The following DTNA variants were observed in gnomAD, a reference collection of about 807,000 sequenced individuals.
DTNA encodes the protein dystrophin-related protein 3.
DTNA carries 43 observed loss-of-function variants against 100.7 expected under a neutral mutation model. That is an observed-to-expected ratio of 0.43 (90% CI 0.33 to 0.55). DTNA has a LOEUF of 0.55. DTNA is among the 20% of genes least tolerant of loss of function. DTNA has a pLI of 0.04. For synonymous variants in DTNA, 349 were observed against 347.9 expected (o/e 1.00, Z -0.04); for missense variants, 798 against 953.9 (o/e 0.84, Z 2.15).
intron 1 of DTNA, among the ~76,000 whole-genome samples, chr18:34,614,153 A>G (rs1025363505): frequency 1.3e-5 from 2 of 152,338 alleles, no homozygotes; most frequent in African/African-American, 4.8e-5. Context: ...ATGATAATGC[A>G]TCTGTTTATA....
At chr18:34,528,470 A>T (rs141003614) in intron 1 of DTNA, among the ~76,000 whole-genome samples, 1 of 152,254 alleles carries the variant, frequency 6.6e-6, no homozygotes, top group Non-Finnish European at 1.5e-5. Flanking sequence ...TTTCACCTTC[A>T]GCAATGCATA....
intron 1 of DTNA, among the ~76,000 whole-genome samples, chr18:34,736,308 C>A (rs1351174693): frequency 1.3e-5 from 2 of 152,146 alleles, no homozygotes; most frequent in African/African-American, 2.4e-5. Context: ...TTAGAGATTT[C>A]ATTTCTAAAA....
intron 5 of DTNA, among the ~76,000 whole-genome samples, chr18:34,811,211 T>C (rs772029927): frequency 2.0e-5 from 3 of 152,188 alleles, no homozygotes; most frequent in Non-Finnish European, 4.4e-5. Flanking sequence ...TTAATATTCA[T>C]TAAATGCACA....
intron 17 of DTNA, among the ~76,000 whole-genome samples, chr18:34,869,364 T>C (rs2096740891): frequency 2.0e-5 from 3 of 152,200 alleles, no homozygotes; most frequent in African/African-American, 7.2e-5. Flanking sequence ...ATTAACAGTG[T>C]CTCCATCAGG....
At chr18:34,711,933 T>C (rs16965788) in intron 1 of DTNA, among the ~76,000 whole-genome samples, 5,337 of 152,222 alleles carry the variant, frequency 0.035, 291 homozygotes, top group African/African-American at 0.12. Flanking sequence ...TTTTTCCCTT[T>C]GTTGTTTGAG....
chr18:34,716,179 G>A (rs942158698), intron 1 of DTNA, among the ~76,000 whole-genome samples: 4 of 152,082 alleles, frequency 2.6e-5, no homozygotes, highest in African/African-American at 7.2e-5. Flanking sequence ...ATAGTTTTTC[G>A]TTGTTTCAGA....
At chr18:34,743,884 C>T (rs1185709865) in intron 1 of DTNA, among the ~76,000 whole-genome samples, 1 of 152,198 alleles carries the variant, frequency 6.6e-6, no homozygotes, top group East Asian at 1.9e-4. Context: ...GGCATCCTCC[C>T]ACCCACCCAT....
At chr18:34,867,315 C>A (rs1002979500) in intron 17 of DTNA, 9 of 1,230,512 alleles carry the variant, frequency 7.3e-6, no homozygotes, top group Non-Finnish European at 9.1e-6. Context: ...TAATGTCAGA[C>A]AATAAAGATA....
intron 16 of DTNA, among the ~76,000 whole-genome samples, chr18:34,858,966 G>T (rs1049478378): frequency 2.0e-5 from 3 of 152,146 alleles, no homozygotes; most frequent in Non-Finnish European, 4.4e-5. Flanking sequence ...TTTAAACATA[G>T]CTCTTTTTAG....
At chr18:34,626,277 A>G (rs752353592) in intron 1 of DTNA, among the ~76,000 whole-genome samples, 3 of 152,214 alleles carry the variant, frequency 2.0e-5, no homozygotes, top group Non-Finnish European at 4.4e-5. Flanking sequence ...GAAATCATTT[A>G]GTTGGCCTGC....
rs115074896 is a variant in DTNA, at chr18:34,544,954, A to T, written c.-2+51440A>T. 7.2e-3 allele frequency among the ~76,000 whole-genome samples: 1,093 copies of T among 152,192 alleles called. 15 individuals are homozygous for T. Among genetic ancestry groups the T allele is most frequent in the African/African-American group, 0.025 (1,054 of 41,542 alleles). On this transcript the variant is annotated intron_variant, in intron 1 of 19. Transcript: ENST00000283365. ...TTTGCAGTTGTGGCCTCAAGAAAAG[A>T]TGATGTTGTTTAATACTGTGATTCC...
intron 1 of DTNA, among the ~76,000 whole-genome samples, chr18:34,633,597 C>T: frequency 6.6e-6 from 1 of 152,116 alleles, no homozygotes; most frequent in East Asian, 1.9e-4. Context: ...ACTGAATACA[C>T]ACAGTACTAA....
chr18:34,799,265 AAC>A (rs1228084544), intron 4 of DTNA, among the ~76,000 whole-genome samples: 1 of 152,202 alleles, frequency 6.6e-6, no homozygotes, highest in African/African-American at 2.4e-5. Context: ...GGGCCATTTG[AAC>A]ACCCATGCCC....
chr18:34,814,195 T>C (rs1327622143), intron 6 of DTNA, among the ~76,000 whole-genome samples: 1 of 152,208 alleles, frequency 6.6e-6, no homozygotes, highest in Non-Finnish European at 1.5e-5. Context: ...AATATGCAGA[T>C]GATCTGACTC....
intron 3 of DTNA, among the ~76,000 whole-genome samples, chr18:34,769,029 A>C (rs1449537999): frequency 1.3e-5 from 2 of 152,196 alleles, no homozygotes; most frequent in Non-Finnish European, 2.9e-5. Context: ...GTACCTTATA[A>C]AATTCCTGTA....
chr18:34,624,861 T>C (rs2057085994), intron 1 of DTNA, among the ~76,000 whole-genome samples: 1 of 152,060 alleles, frequency 6.6e-6, no homozygotes, highest in Admixed American at 6.6e-5. Context: ...GGGACACTTT[T>C]TTTCATTTGT....
rs1297604874 is a variant in DTNA, at chr18:34,847,614, ATTGGCTTGCT to A, written c.1347-680_1347-671del. Among the ~76,000 whole-genome samples the A allele has an allele frequency of 3.9e-5, 6 of 152,242 alleles. No individual in the cohort carries two copies. In the East Asian group the frequency reaches 5.8e-4, roughly 15 times the overall value. Reference sequence around the variant, plus strand: ...CCAGTGGGGATCCATTCACATGGTAATTGGCTTGCTTGGGTTTCTCATCACCTAGGTCTTT... The same window carrying A: ...CCAGTGGGGATCCATTCACATGGTAATGGGTTTCTCATCACCTAGGTCTTT... On this transcript the variant is annotated intron_variant, in intron 13 of 22. Transcript: ENST00000444659.
intron 1 of DTNA, among the ~76,000 whole-genome samples, chr18:34,681,869 G>T (rs1047599763): frequency 1.3e-5 from 2 of 152,022 alleles, no homozygotes; most frequent in Non-Finnish European, 2.9e-5. Flanking sequence ...CATTCTATGG[G>T]CTTTGACAAA....
intron 1 of DTNA, among the ~76,000 whole-genome samples, chr18:34,516,670 C>T: frequency 6.6e-6 from 1 of 152,152 alleles, no homozygotes; most frequent in Non-Finnish European, 1.5e-5. Context: ...CGATATTTCT[C>T]CTATTCGCTT....
Sources: allele counts gnomAD v4.1 joint callset (sites outside exome capture counted in the v4.1 genomes callset), GRCh38; gene constraint gnomAD v4.1.1; transcripts MANE v1.5; gene names NCBI Gene and HGNC (gene_info 2026-07-23, HGNC 2026-07-21).